The following ZFHX3 variants were observed in gnomAD, a reference collection of about 807,000 sequenced individuals.
The protein encoded by ZFHX3 is zinc finger homeobox protein 3.
A neutral mutation model predicts 279.1 loss-of-function variants in ZFHX3; 42 were observed. The observed-to-expected ratio is 0.15, with a 90% confidence interval of 0.12 to 0.19. ZFHX3 has a LOEUF of 0.19. Among genes scored for constraint, ZFHX3 ranks in the 10% least tolerant of loss-of-function variants. The pLI is 1.00. For missense variants in ZFHX3, 4,981 were observed against 4,754.0 expected, an observed-to-expected ratio of 1.05 and a Z score of -1.40; for synonymous variants, 2,293 against 1,957.8, an observed-to-expected ratio of 1.17 and a Z score of -4.52.
chr16:72,795,228 G>A lies in ZFHX3; in HGVS notation c.7454C>T (p.Pro2485Leu). ...GGGGCACTGTGGAGGGGGCGCTTGT[G>A]GAGGAGGCTGTGGCAACGAAGGCAG... ...VSLPSLPQPP[P>L]QAPPPQCPLP... Residue 2485 changes from proline (P) to leucine (L), a missense_variant, in exon 9 of 10, where the codon CCA becomes CTA. Physicochemically the swap from Pro to Leu is moderately conservative, Grantham distance 98. Around this residue, in one of 7 missense-constraint regions of ZFHX3, gnomAD observed 744 missense variants for 701.3 expected, o/e 1.06. Coordinates refer to ENST00000268489, the MANE Select transcript of ZFHX3 (RefSeq NM_006885.4). The A allele has an allele frequency of 3.1e-6, 5 of 1,609,344 alleles. No individual in the cohort carries two copies. The highest frequency in any genetic ancestry group is 4.2e-6 in the Non-Finnish European group (5 of 1,177,446).
intron 5 of ZFHX3, among the ~76,000 whole-genome samples, chr16:73,249,547 T>G (rs2013416535): frequency 6.6e-6 from 1 of 152,052 alleles, no homozygotes; most frequent in African/African-American, 2.4e-5. Flanking sequence ...GAGAAGAGTA[T>G]GGGGGAAACC....
chr16:73,223,045 C>T (rs138039616), intron 5 of ZFHX3, among the ~76,000 whole-genome samples: 157 of 152,194 alleles, frequency 1.0e-3, no homozygotes, highest in Non-Finnish European at 1.7e-3. Context: ...CATAAACCTC[C>T]TTACACCCAT....
intron 5 of ZFHX3, among the ~76,000 whole-genome samples, chr16:73,192,852 G>A (rs1200133250): frequency 2.0e-5 from 3 of 152,122 alleles, no homozygotes; most frequent in Non-Finnish European, 4.4e-5. Context: ...GTCTCCTTGG[G>A]CGATCGACTG....
intron 4 of ZFHX3, among the ~76,000 whole-genome samples, chr16:72,878,102 G>C (rs1226596073): frequency 1.3e-5 from 2 of 152,098 alleles, no homozygotes; most frequent in Non-Finnish European, 2.9e-5. Context: ...AGGATCACTT[G>C]AGCCCAGGAG....
At chr16:73,333,803 ACC>A (rs1360251584) in intron 3 of ZFHX3, among the ~76,000 whole-genome samples, 10,238 of 93,372 alleles carry the variant, frequency 0.11, 945 homozygotes, top group East Asian at 0.32. Context: ...ACCCCAAGAG[ACC>A]AAAAAAAAAA....
intron 5 of ZFHX3, among the ~76,000 whole-genome samples, chr16:73,216,436 G>A (rs987565763): frequency 6.6e-6 from 1 of 152,168 alleles, no homozygotes; most frequent in Non-Finnish European, 1.5e-5. Flanking sequence ...TGCTGCAACA[G>A]TACTTGTCAA....
rs2144720166 is a variant in ZFHX3 at position 73,047,999 on chromosome 16, C to T, written c.-297G>A. Reference sequence around the variant, plus strand: ...GCAGGGCTGGCGGTCGGCCCGTCCCCGGAGGGAGGTCCCCGGGACGCGGCG... The same window carrying T: ...GCAGGGCTGGCGGTCGGCCCGTCCCTGGAGGGAGGTCCCCGGGACGCGGCG... On this transcript the variant is annotated 5_prime_UTR_variant, in exon 1 of 10. Coordinates refer to ENST00000268489, the MANE Select transcript of ZFHX3 (RefSeq NM_006885.4). 1 of 152,384 alleles carries T rather than the reference C, an allele frequency of 6.6e-6. No homozygotes were observed. Among genetic ancestry groups the T allele is most frequent in the East Asian group, 1.9e-4 (1 of 5,148 alleles). The allele number at this position is 152,384 out of a possible 1,614,324, so 9.4% of individuals were successfully genotyped here.
intron 2 of ZFHX3, chr16:73,554,944 A>G (rs1210213136): frequency 6.6e-6 from 1 of 152,284 alleles, no homozygotes; most frequent in African/African-American, 2.4e-5. Flanking sequence ...GGTATGAGTT[A>G]GCTAGACGAC....
At chr16:72,904,553 A>C (rs1381468274) in intron 3 of ZFHX3, among the ~76,000 whole-genome samples, 1 of 151,940 alleles carries the variant, frequency 6.6e-6, no homozygotes, top group Non-Finnish European at 1.5e-5. Flanking sequence ...CTCAGATTTC[A>C]ATCCTCCACT....
At chr16:72,871,589 C>T (rs2038162427) in intron 4 of ZFHX3, among the ~76,000 whole-genome samples, 1 of 152,048 alleles carries the variant, frequency 6.6e-6, no homozygotes, top group East Asian at 1.9e-4. Flanking sequence ...ATCCGCCTGC[C>T]TCAGCCTCCC....
chr16:72,922,537 A>C (rs1038611480), intron 3 of ZFHX3, among the ~76,000 whole-genome samples: 23 of 152,202 alleles, frequency 1.5e-4, no homozygotes, highest in Non-Finnish European at 3.4e-4. Flanking sequence ...TTAGCGTCAC[A>C]GAAAGAAATC....
At chr16:72,951,498 C>G (rs1454951937) in intron 2 of ZFHX3, among the ~76,000 whole-genome samples, 1 of 152,170 alleles carries the variant, frequency 6.6e-6, no homozygotes, top group African/African-American at 2.4e-5. Flanking sequence ...CTGACCTCAG[C>G]TGATCCAACT....
At chr16:73,387,090 C>G (rs1331139911) in intron 3 of ZFHX3, 1 of 152,216 alleles carries the variant, frequency 6.6e-6, no homozygotes, top group Non-Finnish European at 1.5e-5. Context: ...CAGTACATCC[C>G]TGGCACAGTC....
chr16:72,910,201 G>T (rs1328589838), intron 3 of ZFHX3, among the ~76,000 whole-genome samples: 1 of 152,156 alleles, frequency 6.6e-6, no homozygotes. Context: ...CACTTTGAAC[G>T]AACCTAGTGA....
At chr16:72,890,723 T>C (rs750987757) in intron 3 of ZFHX3, among the ~76,000 whole-genome samples, 1 of 152,246 alleles carries the variant, frequency 6.6e-6, no homozygotes, top group East Asian at 1.9e-4. Context: ...CTGCTCTTGT[T>C]AGATCAGGGG....
At chr16:72,976,609 G>A (rs557856256) in intron 1 of ZFHX3, among the ~76,000 whole-genome samples, 5 of 152,176 alleles carry the variant, frequency 3.3e-5, no homozygotes, top group Admixed American at 1.3e-4. Flanking sequence ...TCAGGACCCC[G>A]GTAGAAATGG....
intron 3 of ZFHX3, among the ~76,000 whole-genome samples, chr16:73,438,536 C>G (rs1306659774): frequency 6.6e-6 from 1 of 152,204 alleles, no homozygotes; most frequent in Non-Finnish European, 1.5e-5. Flanking sequence ...CGCATTAATA[C>G]TTTTCCATGT....
intron 4 of ZFHX3, among the ~76,000 whole-genome samples, chr16:72,830,386 C>T (rs920424412): frequency 8.5e-5 from 13 of 152,130 alleles, no homozygotes; most frequent in Admixed American, 6.5e-4. Flanking sequence ...ATGCAGGTTG[C>T]GAAGAGTCAC....
intron 3 of ZFHX3, among the ~76,000 whole-genome samples, chr16:72,932,751 C>T (rs914009282): frequency 1.9e-4 from 29 of 151,114 alleles, no homozygotes; most frequent in African/African-American, 6.6e-4. Context: ...ATAAAAATAA[C>T]GTCAGTTGTG....
Sources: allele counts gnomAD v4.1 joint callset (sites outside exome capture counted in the v4.1 genomes callset), GRCh38; gene constraint gnomAD v4.1.1; regional missense constraint gnomAD v4.1.1; transcripts MANE v1.5; gene names NCBI Gene and HGNC (gene_info 2026-07-23, HGNC 2026-07-21).